The following ERC2 variants were observed in gnomAD, a reference collection of about 807,000 sequenced individuals.
ERC2 encodes ELKS/RAB6-interacting/CAST family member 2, also known as ERC protein 2.
A neutral mutation model predicts 114.8 loss-of-function variants in ERC2; 42 were observed. The observed-to-expected ratio is 0.37, with a 90% CI of 0.29 to 0.47. The LOEUF is 0.47. Among genes scored for constraint, ERC2 ranks in the 20% least tolerant of loss-of-function variants. The probability of loss-of-function intolerance (pLI) is 0.99; values close to 1 mark genes in which losing one functional copy is unlikely to be tolerated. For synonymous variants in ERC2, 454 were observed against 425.5 expected (o/e 1.07, Z -0.82); for missense variants, 939 against 1,150.7 (o/e 0.82, Z 2.66).
At chr3:56,006,219 A>G (rs2072478902) in intron 10 of ERC2, among the ~76,000 whole-genome samples, 1 of 152,088 alleles carries the variant, frequency 6.6e-6, no homozygotes, top group Non-Finnish European at 1.5e-5. Context: ...TCAGTTATAT[A>G]TTGCATCATA....
chr3:55,957,735 G>T (rs143079321), intron 12 of ERC2, among the ~76,000 whole-genome samples: 13 of 152,302 alleles, frequency 8.5e-5, no homozygotes, highest in Middle Eastern at 3.4e-3. Context: ...GGGGAGGAGG[G>T]GGGGGCAGCT....
At chr3:55,880,111 G>A (rs145346145) in intron 14 of ERC2, among the ~76,000 whole-genome samples, 8 of 152,272 alleles carry the variant, frequency 5.3e-5, no homozygotes, top group East Asian at 3.9e-4. Flanking sequence ...TTTCTTTCTC[G>A]TGCCTCCTTT....
intron 14 of ERC2, among the ~76,000 whole-genome samples, chr3:55,855,825 C>T (rs1464360261): frequency 6.6e-6 from 1 of 152,178 alleles, no homozygotes; most frequent in Non-Finnish European, 1.5e-5. Flanking sequence ...GGGACTCATA[C>T]TTTCTTTGTT....
chr3:56,441,606 T>G (rs2062311168), intron 1 of ERC2, among the ~76,000 whole-genome samples: 1 of 152,226 alleles, frequency 6.6e-6, no homozygotes, highest in Non-Finnish European at 1.5e-5. Flanking sequence ...CTAGGATAAA[T>G]TCTTTTTGTT....
intron 6 of ERC2, among the ~76,000 whole-genome samples, chr3:56,102,439 G>A (rs904662328): frequency 3.3e-5 from 5 of 152,090 alleles, no homozygotes; most frequent in South Asian, 2.1e-4. Context: ...CAAAGAACAC[G>A]GGGTGAGAAC....
chr3:56,206,141 G>A (rs1456264642), intron 3 of ERC2, among the ~76,000 whole-genome samples: 2 of 151,796 alleles, frequency 1.3e-5, no homozygotes, highest in African/African-American at 2.4e-5. Flanking sequence ...TGGGGTCAGG[G>A]AATGTTTAGT....
chr3:56,215,654 C>T (rs944883020), intron 3 of ERC2, among the ~76,000 whole-genome samples: 2 of 152,168 alleles, frequency 1.3e-5, no homozygotes, highest in Non-Finnish European at 2.9e-5. Flanking sequence ...TAATAGACAC[C>T]TACAGAACTC....
At chr3:55,932,696 G>A (rs1206954131) in intron 13 of ERC2, among the ~76,000 whole-genome samples, 2 of 152,102 alleles carry the variant, frequency 1.3e-5, no homozygotes, top group Admixed American at 1.3e-4. Flanking sequence ...AGTGTCCAGT[G>A]GGATTCTTTA....
At chr3:56,128,677 C>T (rs2080029806) in intron 6 of ERC2, among the ~76,000 whole-genome samples, 1 of 152,212 alleles carries the variant, frequency 6.6e-6, no homozygotes, top group Non-Finnish European at 1.5e-5. Context: ...ACATCCCCAG[C>T]AGTTCTGTGA....
chr3:56,281,832 G>T (rs2150323056), intron 3 of ERC2, among the ~76,000 whole-genome samples: 1 of 152,292 alleles, frequency 6.6e-6, no homozygotes, highest in East Asian at 1.9e-4. Context: ...GGATGATGAA[G>T]ATAAGGTTTG....
At chr3:56,307,642 C>T (rs2056304025) in intron 2 of ERC2, among the ~76,000 whole-genome samples, 1 of 152,208 alleles carries the variant, frequency 6.6e-6, no homozygotes, top group South Asian at 2.1e-4. Context: ...TTTAACCAAT[C>T]AGGCCACTGA....
intron 14 of ERC2, among the ~76,000 whole-genome samples, chr3:55,861,917 C>A (rs1206424635): frequency 6.6e-6 from 1 of 152,224 alleles, no homozygotes; most frequent in Non-Finnish European, 1.5e-5. Flanking sequence ...ACACTGAGCC[C>A]TGTACTGTGT....
At chr3:56,403,962 T>A (rs2060616042) in intron 2 of ERC2, among the ~76,000 whole-genome samples, 1 of 152,220 alleles carries the variant, frequency 6.6e-6, no homozygotes, top group Non-Finnish European at 1.5e-5. Context: ...GCATTAGTTT[T>A]GTCTACATTT....
chr3:56,253,138 TAAG>T (rs2052290018), intron 3 of ERC2, among the ~76,000 whole-genome samples: 2 of 152,192 alleles, frequency 1.3e-5, no homozygotes, highest in Non-Finnish European at 1.5e-5. Flanking sequence ...CTGGTTATTC[TAAG>T]AAGGAATCAT....
intron 10 of ERC2, among the ~76,000 whole-genome samples, chr3:55,996,009 A>C (rs2071480436): frequency 1.3e-5 from 2 of 152,262 alleles, no homozygotes; most frequent in Admixed American, 1.3e-4. Flanking sequence ...GATAGAGATC[A>C]AAAGTAGGTA....
chr3:56,092,128 A>G (rs2077827666), intron 6 of ERC2, among the ~76,000 whole-genome samples: 1 of 152,240 alleles, frequency 6.6e-6, no homozygotes, highest in Non-Finnish European at 1.5e-5. Flanking sequence ...ATTTAGTATC[A>G]TATAACCACA....
In ERC2 at chr3:56,316,730, A is replaced by G. The variant is rs547556667; in HGVS notation, c.658-20295T>C. Among the ~76,000 whole-genome samples the G allele has an allele frequency of 3.9e-5, 6 of 152,354 alleles. No individual in the cohort carries two copies. The South Asian group carries it at 1.2e-3, about 32-fold the overall frequency. ...CTCTTTAAAGATTATTTCACAACTT[A>G]TTCAGTGAATTCCAGGTAGTACAGT... On this transcript the variant is annotated intron_variant, in intron 2 of 17. Coordinates refer to ENST00000288221, the MANE Select transcript of ERC2 (RefSeq NM_015576.3).
intron 14 of ERC2, among the ~76,000 whole-genome samples, chr3:55,826,950 A>C (rs2060349601): frequency 6.6e-6 from 1 of 152,210 alleles, no homozygotes; most frequent in South Asian, 2.1e-4. Flanking sequence ...CTGAAGTGAG[A>C]GGCCACCAAG....
chr3:55,668,109 A>G (rs1285151279), intron 17 of ERC2, among the ~76,000 whole-genome samples: 1 of 152,142 alleles, frequency 6.6e-6, no homozygotes, highest in East Asian at 1.9e-4. Context: ...AAGATATATA[A>G]TGCATAATAA....
Sources: gnomAD v4.1 joint callset for allele counts (sites outside exome capture counted in the v4.1 genomes callset) on GRCh38, gnomAD v4.1.1 for gene constraint, MANE v1.5 for transcripts, NCBI Gene and HGNC (gene_info 2026-07-23, HGNC 2026-07-21) for gene names.